EPHA3: variants seen among roughly 807,000 people sequenced by gnomAD.
EPHA3 encodes EPH receptor A3, also known as ephrin type-A receptor 3.
A neutral mutation model predicts 107.1 loss-of-function variants in EPHA3; 42 were observed. That is an observed-to-expected ratio of 0.39 (90% CI 0.31 to 0.51). The LOEUF is 0.51. EPHA3 is among the 20% of genes least tolerant of loss of function. The probability of loss-of-function intolerance (pLI) is 0.78; values close to 1 mark genes in which losing one functional copy is unlikely to be tolerated. For synonymous variants in EPHA3, 461 were observed against 424.8 expected (o/e 1.09, Z -1.05); for missense variants, 1,183 against 1,211.2 (o/e 0.98, Z 0.35).
At chr3:89,477,538 T>C (rs1254401940) in intron 16 of EPHA3, among the ~76,000 whole-genome samples, 1 of 152,188 alleles carries the variant, frequency 6.6e-6, no homozygotes, top group Non-Finnish European at 1.5e-5. Context: ...AGAAATCGAT[T>C]AATCCATTTC....
chr3:89,446,202 C>A (rs1709873309), intron 13 of EPHA3, among the ~76,000 whole-genome samples: 1 of 152,228 alleles, frequency 6.6e-6, no homozygotes, highest in South Asian at 2.1e-4. Flanking sequence ...GAATCTGTAA[C>A]CATGTATTTC....
intron 3 of EPHA3, among the ~76,000 whole-genome samples, chr3:89,291,490 A>C (rs1412793863): frequency 6.6e-6 from 1 of 152,152 alleles, no homozygotes; most frequent in Non-Finnish European, 1.5e-5. Context: ...GATAAAGAAC[A>C]TTTGCTTATG....
intron 12 of EPHA3, among the ~76,000 whole-genome samples, chr3:89,429,456 A>G (rs1709520661): frequency 6.6e-6 from 1 of 152,156 alleles, no homozygotes; most frequent in Non-Finnish European, 1.5e-5. Context: ...ATCCTAAAGC[A>G]AGTAATAAAA....
intron 13 of EPHA3, among the ~76,000 whole-genome samples, chr3:89,449,009 ATCCT>A (rs1709934754): frequency 6.6e-6 from 1 of 151,766 alleles, no homozygotes; most frequent in Non-Finnish European, 1.5e-5. Flanking sequence ...TAATTTCAAA[ATCCT>A]TCCAAATTAT....
At chr3:89,418,458 A>G (rs1350014142) in intron 10 of EPHA3, among the ~76,000 whole-genome samples, 1 of 151,466 alleles carries the variant, frequency 6.6e-6, no homozygotes, top group Non-Finnish European at 1.5e-5. Flanking sequence ...TGTCCATACT[A>G]GTTCTAGGCA....
intron 2 of EPHA3, among the ~76,000 whole-genome samples, chr3:89,144,542 C>T (rs1388938556): frequency 6.6e-6 from 1 of 151,782 alleles, no homozygotes; most frequent in East Asian, 1.9e-4. Flanking sequence ...ACAAACCTTT[C>T]AGTGCAGTTT....
At chr3:89,470,325 G>A (rs536878315) in intron 15 of EPHA3, among the ~76,000 whole-genome samples, 1 of 152,070 alleles carries the variant, frequency 6.6e-6, no homozygotes, top group Non-Finnish European at 1.5e-5. Flanking sequence ...TGCATTCCCA[G>A]CATTATATAT....
intron 13 of EPHA3, among the ~76,000 whole-genome samples, chr3:89,434,075 G>A (rs1356343200): frequency 5.3e-5 from 8 of 152,070 alleles, no homozygotes; most frequent in South Asian, 4.1e-4. Flanking sequence ...TATATTGTCC[G>A]TGTTACAACA....
chr3:89,285,940 A>C (rs559420805), intron 3 of EPHA3, among the ~76,000 whole-genome samples: 1 of 152,254 alleles, frequency 6.6e-6, no homozygotes, highest in South Asian at 2.1e-4. Flanking sequence ...AACTGGAAGC[A>C]GGTGATCAGG....
At chr3:89,413,008 C>T (rs1319313822) in intron 9 of EPHA3, 133 bp from the exon 10 acceptor site, 1 of 1,164,462 alleles carries the variant, frequency 8.6e-7, no homozygotes, top group African/African-American at 1.5e-5. Flanking sequence ...TTCTGTGATA[C>T]TACAGAATAA....
At chr3:89,476,753 G>C (rs907921973) in intron 16 of EPHA3, among the ~76,000 whole-genome samples, 20 of 151,422 alleles carry the variant, frequency 1.3e-4, no homozygotes, top group African/African-American at 4.1e-4. Flanking sequence ...GAGTACAGGC[G>C]CCCGCCACCA....
intron 2 of EPHA3, among the ~76,000 whole-genome samples, chr3:89,185,151 A>G (rs760929945): frequency 9.9e-5 from 15 of 152,098 alleles, no homozygotes; most frequent in Non-Finnish European, 2.1e-4. Flanking sequence ...TGTTTCCTGT[A>G]TAATTCAAAG....
chr3:89,414,459 A>G (rs1709210445), intron 10 of EPHA3, among the ~76,000 whole-genome samples: 1 of 151,604 alleles, frequency 6.6e-6, no homozygotes, highest in African/African-American at 2.4e-5. Context: ...GCCAAAACAG[A>G]TATATATTGT....
intron 3 of EPHA3, among the ~76,000 whole-genome samples, chr3:89,235,075 C>CTTT (rs1459222918): frequency 9.6e-6 from 1 of 103,766 alleles, no homozygotes; most frequent in Non-Finnish European, 1.9e-5. Flanking sequence ...CTTTATTTCT[C>CTTT]TTTTTTGTCT....
chr3:89,341,159 G>A, intron 4 of EPHA3, 88 bp downstream of exon 4: 1 of 1,389,296 alleles, frequency 7.2e-7, no homozygotes, highest in Non-Finnish European at 9.7e-7. Context: ...TAAAGCATTT[G>A]GCCCATTTCC....
chr3:89,141,772 T>G (rs1291630311), intron 2 of EPHA3, among the ~76,000 whole-genome samples: 1 of 151,524 alleles, frequency 6.6e-6, no homozygotes, highest in Non-Finnish European at 1.5e-5. Flanking sequence ...TGTGAATATA[T>G]CTATGTATAC....
At chr3:89,458,128 C>A (rs370848683) in intron 15 of EPHA3, among the ~76,000 whole-genome samples, 1 of 152,132 alleles carries the variant, frequency 6.6e-6, no homozygotes. Context: ...GTAGTGGCAG[C>A]CAATCCAGAT....
chr3:89,382,186 A>G (rs1176658249), intron 5 of EPHA3, among the ~76,000 whole-genome samples: 1 of 152,000 alleles, frequency 6.6e-6, no homozygotes, highest in African/African-American at 2.4e-5. Flanking sequence ...GGTGCGGCCA[A>G]CAGATCAGGA....
At chr3:89,472,718 A>G (rs1224789197) in intron 16 of EPHA3, 99 bp downstream of exon 16, 1 of 1,354,162 alleles carries the variant, frequency 7.4e-7, no homozygotes, top group African/African-American at 1.5e-5. Flanking sequence ...CATGTTACAA[A>G]TATTAGTGGT....
Sources: allele counts gnomAD v4.1 joint callset (sites outside exome capture counted in the v4.1 genomes callset), GRCh38; gene constraint gnomAD v4.1.1; transcripts MANE v1.5; gene names NCBI Gene and HGNC (gene_info 2026-07-23, HGNC 2026-07-21).